ASIC2: variants seen among roughly 807,000 people sequenced by gnomAD.
The protein encoded by ASIC2 is acid-sensing ion channel 2.
ASIC2 carries 25 observed loss-of-function variants against 57.3 expected under a neutral mutation model. The ratio of observed to expected loss-of-function variants is 0.44; its 90% CI spans 0.32 to 0.61. The LOEUF is 0.61. Among genes scored for constraint, ASIC2 ranks in the 20% least tolerant of loss-of-function variants. The pLI is 0.06. For synonymous variants in ASIC2, 319 were observed against 307.5 expected (o/e 1.04, Z -0.39); for missense variants, 641 against 738.1 (o/e 0.87, Z 1.52).
At chr17:33,383,854 A>G (rs1245609930) in intron 1 of ASIC2, among the ~76,000 whole-genome samples, 2 of 152,214 alleles carry the variant, frequency 1.3e-5, no homozygotes, top group Non-Finnish European at 2.9e-5. Flanking sequence ...AGCAGGGATT[A>G]ATACTGGGTC....
chr17:33,814,255 G>A (rs903490105), intron 1 of ASIC2, among the ~76,000 whole-genome samples: 5 of 152,090 alleles, frequency 3.3e-5, no homozygotes, highest in Non-Finnish European at 7.4e-5. Context: ...TTCCTCCATG[G>A]GAAGCAAAGA....
At chr17:33,690,836 A>G (rs1597836874) in intron 1 of ASIC2, among the ~76,000 whole-genome samples, 1 of 128,900 alleles carries the variant, frequency 7.8e-6, no homozygotes, top group African/African-American at 3.1e-5. Context: ...TGCAAGCTCC[A>G]CCTCCCAGAT....
At chr17:33,319,270 T>C (rs144504504) in intron 1 of ASIC2, among the ~76,000 whole-genome samples, 366 of 152,304 alleles carry the variant, frequency 2.4e-3, no homozygotes, top group Non-Finnish European at 4.1e-3. Flanking sequence ...CATGCATCCA[T>C]TGGGGTAGTT....
chr17:33,213,615 T>A (rs1440869599), intron 1 of ASIC2, among the ~76,000 whole-genome samples: 1 of 152,196 alleles, frequency 6.6e-6, no homozygotes, highest in African/African-American at 2.4e-5. Flanking sequence ...GGTCTCTAAG[T>A]GTCTTAAATG....
At chr17:33,895,923 C>T (rs1423398250) in intron 1 of ASIC2, among the ~76,000 whole-genome samples, 1 of 152,170 alleles carries the variant, frequency 6.6e-6, no homozygotes, top group African/African-American at 2.4e-5. Flanking sequence ...ATACACTTAA[C>T]TTATTTGAGT....
At chr17:33,884,139 C>A (rs1321596504) in intron 1 of ASIC2, among the ~76,000 whole-genome samples, 2 of 152,230 alleles carry the variant, frequency 1.3e-5, no homozygotes, top group Non-Finnish European at 2.9e-5. Flanking sequence ...CTGACCTCTG[C>A]ACCATTCCAT....
intron 1 of ASIC2, among the ~76,000 whole-genome samples, chr17:33,193,723 C>T (rs563059377): frequency 3.9e-5 from 6 of 152,218 alleles, no homozygotes; most frequent in African/African-American, 1.4e-4. Flanking sequence ...TCAGAGAGTC[C>T]GGGCTGGAGA....
intron 1 of ASIC2, among the ~76,000 whole-genome samples, chr17:34,028,466 T>C (rs923661469): frequency 6.6e-6 from 1 of 152,152 alleles, no homozygotes; most frequent in African/African-American, 2.4e-5. Context: ...CTCAAATGAG[T>C]GTGTAGTCTG....
chr17:34,115,142 A>T (rs980936755), intron 1 of ASIC2, among the ~76,000 whole-genome samples: 1 of 152,198 alleles, frequency 6.6e-6, no homozygotes, highest in Non-Finnish European at 1.5e-5. Flanking sequence ...ATGGAAAACA[A>T]CTACTTGCTT....
At chr17:33,722,100 C>T (rs1909405740) in intron 1 of ASIC2, among the ~76,000 whole-genome samples, 1 of 152,174 alleles carries the variant, frequency 6.6e-6, no homozygotes, top group Non-Finnish European at 1.5e-5. Context: ...TGTAATAATC[C>T]ACATGTGTCT....
chr17:33,918,535 C>T (rs545624139), intron 1 of ASIC2, among the ~76,000 whole-genome samples: 18 of 152,146 alleles, frequency 1.2e-4, no homozygotes, highest in Non-Finnish European at 2.1e-4. Context: ...TTCTTTTAAA[C>T]ACATTCTTCA....
chr17:33,063,437 A>T (rs948014351), intron 3 of ASIC2, among the ~76,000 whole-genome samples: 4 of 152,162 alleles, frequency 2.6e-5, no homozygotes, highest in Non-Finnish European at 5.9e-5. Context: ...GTTTGGCTGG[A>T]TATGAAATTA....
chr17:33,085,837 G>A (rs2092132129), intron 3 of ASIC2, among the ~76,000 whole-genome samples: 1 of 152,144 alleles, frequency 6.6e-6, no homozygotes. Context: ...TCTGGGATGT[G>A]TTTTTGTATT....
intron 1 of ASIC2, among the ~76,000 whole-genome samples, chr17:34,104,698 T>G (rs1320818692): frequency 1.3e-5 from 2 of 152,116 alleles, no homozygotes; most frequent in Admixed American, 6.5e-5. Flanking sequence ...GTTAAATGCC[T>G]TTTCTCCATC....
chr17:33,615,736 T>C (rs2142018131), intron 1 of ASIC2, among the ~76,000 whole-genome samples: 1 of 152,300 alleles, frequency 6.6e-6, no homozygotes. Flanking sequence ...TTTTCGGGGA[T>C]TATGGAGAAT....
chr17:33,557,618 G>A (rs1165498271), intron 1 of ASIC2, among the ~76,000 whole-genome samples: 1 of 152,154 alleles, frequency 6.6e-6, no homozygotes, highest in Non-Finnish European at 1.5e-5. Context: ...TAGAATTCTT[G>A]AGATTAAAAA....
At chr17:33,114,666 G>A (rs563326144) in intron 1 of ASIC2, among the ~76,000 whole-genome samples, 25 of 152,336 alleles carry the variant, frequency 1.6e-4, no homozygotes, top group Middle Eastern at 3.4e-3. Flanking sequence ...AGTGCCATTG[G>A]TGAAGGTGTT....
At chr17:33,334,221 A>C (rs1037528701) in intron 1 of ASIC2, among the ~76,000 whole-genome samples, 1 of 152,290 alleles carries the variant, frequency 6.6e-6, no homozygotes. Context: ...ATAAGATTGG[A>C]GGAGGAAGCT....
intron 1 of ASIC2, among the ~76,000 whole-genome samples, chr17:34,122,403 T>C (rs1302606533): frequency 6.6e-6 from 1 of 152,212 alleles, no homozygotes; most frequent in African/African-American, 2.4e-5. Flanking sequence ...AGTCTCGCAA[T>C]TAAAAGTTAT....
Sources: allele counts gnomAD v4.1 joint callset (sites outside exome capture counted in the v4.1 genomes callset), GRCh38; gene constraint gnomAD v4.1.1; transcripts MANE v1.5; gene names NCBI Gene and HGNC (gene_info 2026-07-23, HGNC 2026-07-21).